CC2D1A: variants seen among roughly 807,000 people sequenced by gnomAD.
CC2D1A encodes coiled-coil and C2 domain containing 1A.
In CC2D1A, 68 loss-of-function variants were observed where a neutral mutation model predicts 123.8. That is an observed-to-expected ratio of 0.55 (90% CI 0.45 to 0.67). The LOEUF (loss-of-function observed/expected upper bound fraction) is 0.67, where lower values mean the gene tolerates loss of function less well. Among genes scored for constraint, CC2D1A ranks in the 30% least tolerant of loss-of-function variants. The pLI is 0.00. For synonymous variants in CC2D1A, 477 were observed against 528.0 expected (o/e 0.90, Z 1.32); for missense variants, 1,185 against 1,290.3 (o/e 0.92, Z 1.25).
Position 13,930,141 on chromosome 19 carries a change from A to G in CC2D1A, c.2774A>G (p.Asn925Ser), listed in dbSNP as rs774628673. 2.1e-5 allele frequency: 34 copies of G among 1,613,196 alleles called. 1 individual carries two copies. In the South Asian group the frequency reaches 3.7e-4, roughly 18 times the overall value. Residue 925 changes from asparagine to serine, a missense_variant, in exon 27 of 29, where the codon AAC becomes AGC. Asn to Ser is a conservative substitution (Grantham distance 46, BLOSUM62 1). Transcript: ENST00000318003. This position sits in a 1 kb window ranked among gnomAD's most constrained non-coding sequence, Gnocchi z 6.8. ...FYTEAARRLG[N>S]DGSRDAAKEA... Reference sequence around the variant, plus strand: ...ACGGAGGCTGCCCGGCGCCTGGGCAACGATGGCAGCAGGGTGAGCTGGTCG... The same window carrying G: ...ACGGAGGCTGCCCGGCGCCTGGGCAGCGATGGCAGCAGGGTGAGCTGGTCG...
At chr19:13,919,075 G>A in intron 10 of CC2D1A, 33 bp downstream of exon 10, 2 of 1,602,914 alleles carry the variant, frequency 1.2e-6, no homozygotes, top group South Asian at 2.2e-5. Context: ...GGTGGGGCGA[G>A]TGGGCAGCCC....
In CC2D1A at chr19:13,906,317, G is replaced by T; in HGVS notation, c.-125G>T. The T allele has an allele frequency of 1.4e-6, 1 of 702,318 alleles. No homozygotes were observed. 43.5% of individuals were successfully genotyped at this position (702,318 alleles called of 1,614,324 possible). On this transcript the variant is annotated 5_prime_UTR_variant, in exon 1 of 29. Coordinates refer to ENST00000318003, the MANE Select transcript of CC2D1A (RefSeq NM_017721.5). This position sits in a 1 kb window ranked among gnomAD's most constrained non-coding sequence, Gnocchi z 4.1. The stretch of plus-strand genomic sequence containing the variant: ...AGGGAAGCGAGGGCTCGGGATCGAC[G>T]GCCGCGGGGCGCCGACGAGGAGTGC...
At chr19:13,927,308 C>A in intron 22 of CC2D1A, 43 bp downstream of exon 22, 2 of 1,488,808 alleles carry the variant, frequency 1.3e-6, no homozygotes, top group South Asian at 1.1e-5. Context: ...TATGGCCATG[C>A]TACTCGTTAA....
chr19:13,913,658 G>A lies in CC2D1A; in HGVS notation c.748+20G>A, dbSNP rs762369964. 58 of 1,550,558 alleles carry A rather than the reference G, an allele frequency of 3.7e-5. No homozygotes were observed. Among genetic ancestry groups the A allele is most frequent in the East Asian group, 4.5e-5 (2 of 43,958 alleles). ...CCCCAGGTAGGTGATGGGCAGGGCC[G>A]GGCTGATATGGGATCCGAGTGGGCC... On this transcript the variant is annotated intron_variant, in intron 6 of 28. Coordinates refer to ENST00000318003, the MANE Select transcript of CC2D1A (RefSeq NM_017721.5).
chr19:13,927,982 G>A lies in CC2D1A; in HGVS notation c.2406G>A (p.Thr802=), dbSNP rs753074838. ...EPLTAQQLET[T]TERWLVIDPV... ...TGACAGCCCAGCAGTTGGAGACGACGACAGAGAGGTGGCTGGTCATTGACC... is the reference window on the plus strand; with the variant it reads ...TGACAGCCCAGCAGTTGGAGACGACAACAGAGAGGTGGCTGGTCATTGACC... Residue 802 remains threonine, a synonymous_variant, in exon 23 of 29, where the codon ACG becomes ACA. Transcript: ENST00000318003. 4 of 1,613,602 alleles carry A rather than the reference G, an allele frequency of 2.5e-6. No homozygotes were observed. The highest frequency in any genetic ancestry group is 2.2e-5 in the East Asian group (1 of 44,870).
In CC2D1A at chr19:13,913,466, G is replaced by A. The variant is rs745377034; in HGVS notation, c.576G>A (p.Pro192=). The A allele has an allele frequency of 1.5e-5, 24 of 1,614,062 alleles. No homozygotes were observed. Among genetic ancestry groups the A allele is most frequent in the East Asian group, 2.2e-5 (1 of 44,898 alleles). The change falls in exon 6 of 29, where the codon CCG becomes CCA. Residue 192 remains proline, a synonymous_variant. Transcript: ENST00000318003. ...KGNAIDEADI[P]PPVAIGKGPA... Reference sequence around the variant, plus strand: ...ATGCCATTGACGAAGCGGACATCCCGCCGCCAGTGGCCATAGGAAAAGGCC... The same window carrying A: ...ATGCCATTGACGAAGCGGACATCCCACCGCCAGTGGCCATAGGAAAAGGCC...
chr19:13,915,967 C>T (rs927156628), intron 6 of CC2D1A, among the ~76,000 whole-genome samples: 4 of 152,010 alleles, frequency 2.6e-5, no homozygotes, highest in African/African-American at 7.2e-5. Context: ...TCAAATAGCT[C>T]AGCAGGGGCT....
Position 13,906,330 on chromosome 19 carries a change from C to G in CC2D1A, c.-112C>G, listed in dbSNP as rs935023871. The G allele has an allele frequency of 1.0e-5, 8 of 793,884 alleles. No individual in the cohort carries two copies. The highest frequency in any genetic ancestry group is 1.8e-5 in the African/African-American group (1 of 55,034). 49.2% of individuals were successfully genotyped at this position (793,884 alleles called of 1,614,324 possible). On this transcript the variant is annotated 5_prime_UTR_variant, in exon 1 of 29. Coordinates refer to ENST00000318003, the MANE Select transcript of CC2D1A (RefSeq NM_017721.5). This position sits in a 1 kb window ranked among gnomAD's most constrained non-coding sequence, Gnocchi z 4.1. The stretch of plus-strand genomic sequence containing the variant: ...CTCGGGATCGACGGCCGCGGGGCGC[C>G]GACGAGGAGTGCAGGACTCAGGAAG...
At position 13,923,879 on chromosome 19, in the gene CC2D1A, T is replaced by G. The variant is rs1157508082; in HGVS notation, c.1940+68T>G. ...CCTTTGGTGGCGGTGGGGCGGGTTGTGCTCCCCAGAAGCTGGCACAAGATT... is the reference window on the plus strand; with the variant it reads ...CCTTTGGTGGCGGTGGGGCGGGTTGGGCTCCCCAGAAGCTGGCACAAGATT... On this transcript the variant is annotated intron_variant, in intron 17 of 28. Coordinates refer to ENST00000318003, the MANE Select transcript of CC2D1A (RefSeq NM_017721.5). This position sits in a 1 kb window ranked among gnomAD's most constrained non-coding sequence, Gnocchi z 5.3. 1.3e-5 allele frequency: 15 copies of G among 1,188,176 alleles called. No homozygotes were observed. The highest frequency in any genetic ancestry group is 1.6e-5 in the Non-Finnish European group (13 of 799,326). 73.6% of individuals were successfully genotyped at this position (1,188,176 alleles called of 1,614,324 possible).
In CC2D1A at chr19:13,912,325, C is replaced by G; in HGVS notation, c.199C>G (p.Pro67Ala). ...PALEKLKGKG[P>A]LPMEAIEKMA... ...CTGGGGCATCCCCCTACCGCCAGGT[C>G]CCTTGCCGATGGAGGCCATTGAGAA... Residue 67 changes from proline (P) to alanine (A), a missense_variant and splice_region_variant, in exon 3 of 29, where the codon CCC becomes GCC. Pro to Ala is a conservative substitution (Grantham distance 27). Coordinates refer to ENST00000318003, the MANE Select transcript of CC2D1A (RefSeq NM_017721.5). 1 of 1,598,570 alleles carries G rather than the reference C, an allele frequency of 6.3e-7. No homozygotes were observed. Among genetic ancestry groups the G allele is most frequent in the South Asian group, 1.1e-5 (1 of 88,684 alleles).
intron 25 of CC2D1A, 33 bp from the exon 26 acceptor site, chr19:13,929,501 C>G: frequency 1.9e-6 from 3 of 1,612,514 alleles, no homozygotes; most frequent in Non-Finnish European, 2.5e-6. Context: ...CAGGCCCAGG[C>G]AGGATCCTCA....
chr19:13,922,254 G>C (rs747248965), intron 14 of CC2D1A, among the ~76,000 whole-genome samples: 2 of 151,998 alleles, frequency 1.3e-5, no homozygotes, highest in Admixed American at 6.6e-5. Context: ...CACCTGCCTC[G>C]ACCTCCCAAA....
chr19:13,907,913 T>G (rs1568401298), intron 1 of CC2D1A, among the ~76,000 whole-genome samples: 2 of 152,210 alleles, frequency 1.3e-5, no homozygotes, highest in Non-Finnish European at 2.9e-5. Context: ...TTCATATGGT[T>G]AAACACGATG....
At position 13,926,970 on chromosome 19, in the gene CC2D1A, T is replaced by G; in HGVS notation, c.2126-8T>G. The G allele has an allele frequency of 6.2e-7, 1 of 1,613,772 alleles. No homozygotes were observed. Among genetic ancestry groups the G allele is most frequent in the Non-Finnish European group, 8.5e-7 (1 of 1,179,740 alleles). On this transcript the variant is annotated splice_polypyrimidine_tract_variant and splice_region_variant and intron_variant, in intron 20 of 28. Transcript: ENST00000318003. ...CACCCAACTTCCTCTCCCTCCTTCCTCCTGCAGAGTTCAAGGAGCAGTTCA... is the reference window on the plus strand; with the variant it reads ...CACCCAACTTCCTCTCCCTCCTTCCGCCTGCAGAGTTCAAGGAGCAGTTCA...
chr19:13,930,593 C>G lies in CC2D1A; in HGVS notation c.*198C>G, dbSNP rs1459731170. Reference sequence around the variant, plus strand: ...AACCATGCCTGCCAGCCAGTATGTGCCCCTCACCCAGGCCTGGCTGGGCCC... The same window carrying G: ...AACCATGCCTGCCAGCCAGTATGTGGCCCTCACCCAGGCCTGGCTGGGCCC... On this transcript the variant is annotated 3_prime_UTR_variant, in exon 29 of 29. Transcript: ENST00000318003. The surrounding 1 kb of genome is among the most constrained non-coding windows in gnomAD (Gnocchi z 6.8). The G allele has an allele frequency of 1.6e-6, 1 of 643,788 alleles. No individual in the cohort carries two copies. Among genetic ancestry groups the G allele is most frequent in the East Asian group, 2.7e-5 (1 of 36,560 alleles). 39.9% of individuals were successfully genotyped at this position (643,788 alleles called of 1,614,324 possible).
At chr19:13,920,449 G>A in intron 12 of CC2D1A, 108 bp from the exon 13 acceptor site, 2 of 735,520 alleles carry the variant, frequency 2.7e-6, no homozygotes, top group East Asian at 2.7e-5. Flanking sequence ...GCAAAGTCCT[G>A]GGAGCCCACT....
At chr19:13,907,728 G>A (rs543976249) in intron 1 of CC2D1A, among the ~76,000 whole-genome samples, 15 of 152,072 alleles carry the variant, frequency 9.9e-5, no homozygotes, top group South Asian at 4.2e-4. Flanking sequence ...AATTAAAAAT[G>A]GAGACCTCCA....
At position 13,913,241 on chromosome 19, in the gene CC2D1A, T is replaced by C. The variant is rs1355801425; in HGVS notation, c.452T>C (p.Ile151Thr). 1.2e-6 allele frequency: 2 copies of C among 1,613,388 alleles called. No individual in the cohort carries two copies. The highest frequency in any genetic ancestry group is 1.3e-5 in the African/African-American group (1 of 74,762). The change falls in exon 5 of 29, where the codon ATT becomes ACT. Residue 151 changes from isoleucine to threonine, a missense_variant. Coordinates refer to ENST00000318003, the MANE Select transcript of CC2D1A (RefSeq NM_017721.5). The stretch of plus-strand genomic sequence containing the variant: ...AGGCTGGCGCTCTATCAGACAGCAA[T>C]TGAAAGCGCCAGACAAGCTGGAGAC... Reference protein sequence around the residue: ...QERLALYQTAIESARQAGDSA... With the variant: ...QERLALYQTATESARQAGDSA...
chr19:13,912,817 T>C (rs12611223), intron 4 of CC2D1A, among the ~76,000 whole-genome samples: 35,566 of 152,110 alleles, frequency 0.23, 4,371 homozygotes, highest in East Asian at 0.31. Context: ...CACGCCTGGC[T>C]AATTTTTGTA....
Sources: allele counts gnomAD v4.1 joint callset (sites outside exome capture counted in the v4.1 genomes callset), GRCh38; gene constraint gnomAD v4.1.1; non-coding constraint Gnocchi (gnomAD v3.1); transcripts MANE v1.5; gene names NCBI Gene and HGNC (gene_info 2026-07-23, HGNC 2026-07-21).